The following ADAMTS14 variants were observed in gnomAD, a reference collection of about 807,000 sequenced individuals.
ADAMTS14 encodes the protein A disintegrin and metalloproteinase with thrombospondin motifs 14.
A neutral mutation model predicts 128.6 loss-of-function variants in ADAMTS14; 100 were observed. The observed-to-expected ratio is 0.78, with a 90% CI of 0.66 to 0.92. The LOEUF (loss-of-function observed/expected upper bound fraction) is 0.92. ADAMTS14 is among the 40% of genes least tolerant of loss of function. The probability of loss-of-function intolerance (pLI) is 0.00; values close to 1 mark genes in which losing one functional copy is unlikely to be tolerated. For synonymous variants in ADAMTS14, 665 were observed against 653.8 expected (o/e 1.02, Z -0.26); for missense variants, 1,562 against 1,658.6 (o/e 0.94, Z 1.01).
chr10:70,745,412 T>A, intron 15 of ADAMTS14, 106 bp downstream of exon 15: 1 of 1,190,778 alleles, frequency 8.4e-7, no homozygotes, highest in African/African-American at 1.5e-5. Context: ...AGTGGAATTG[T>A]ACTAACTGGA....
chr10:70,710,389 G>A (rs180949236), intron 4 of ADAMTS14, among the ~76,000 whole-genome samples: 161 of 152,342 alleles, frequency 1.1e-3, no homozygotes, highest in African/African-American at 3.6e-3. Context: ...GCCCCTGCAT[G>A]GGCCCTCACT....
At chr10:70,752,805 G>T (rs1489437381) in intron 18 of ADAMTS14, among the ~76,000 whole-genome samples, 1 of 152,176 alleles carries the variant, frequency 6.6e-6, no homozygotes, top group East Asian at 1.9e-4. Context: ...CCCTGGGCTG[G>T]GGGAGCCCCA....
At chr10:70,751,428 C>A in intron 16 of ADAMTS14, 50 bp from the exon 17 acceptor site, 2 of 1,566,918 alleles carry the variant, frequency 1.3e-6, no homozygotes, top group Non-Finnish European at 1.7e-6. Context: ...CAGTGCATGC[C>A]GCCCTTGCTT....
At chr10:70,713,437 T>G (rs1351672543) in intron 4 of ADAMTS14, among the ~76,000 whole-genome samples, 1 of 152,164 alleles carries the variant, frequency 6.6e-6, no homozygotes, top group Non-Finnish European at 1.5e-5. Context: ...GCTGCTGACA[T>G]GCCCACAGAG....
chr10:70,696,383 T>C (rs1342969297), intron 2 of ADAMTS14, among the ~76,000 whole-genome samples: 2 of 151,526 alleles, frequency 1.3e-5, no homozygotes, highest in African/African-American at 2.4e-5. Context: ...TCTGAGCCAT[T>C]TGGGAGAGCT....
chr10:70,740,892 A>G lies in ADAMTS14; in HGVS notation c.1749-95A>G, dbSNP rs956078396. The G allele has an allele frequency of 3.5e-5, 46 of 1,327,888 alleles. No individual in the cohort carries two copies. In the Admixed American group the frequency reaches 8.5e-4, roughly 24 times the overall value. 82.3% of individuals were successfully genotyped at this position (1,327,888 alleles called of 1,614,324 possible). On this transcript the variant is annotated intron_variant, in intron 11 of 21. Coordinates refer to ENST00000373207, the MANE Select transcript of ADAMTS14 (RefSeq NM_080722.4). ...TGGAGGCCCTTGTCATGCTATTATG[A>G]ATGGCTGAGCTGCTCCTGGTGGCTG...
chr10:70,731,064 C>CCACACACACACACACACACACA (rs56903140), intron 6 of ADAMTS14, among the ~76,000 whole-genome samples: 36 of 145,774 alleles, frequency 2.5e-4, no homozygotes, highest in African/African-American at 8.2e-4. Context: ...GTTTTACACA[C>CCACACACACACACACACACACA]CACACACACA....
intron 4 of ADAMTS14, among the ~76,000 whole-genome samples, chr10:70,714,946 C>CAAAAAAAAA (rs58012076): frequency 1.6e-5 from 1 of 63,050 alleles, no homozygotes; most frequent in Non-Finnish European, 3.0e-5. Flanking sequence ...ACTGCAGTCT[C>CAAAAAAAAA]AAAAAAAAAA....
In ADAMTS14 at chr10:70,710,325, G is replaced by T. The variant is rs548722153; in HGVS notation, c.870+1547G>T. ...CAGAGCTGAGAAAGAAGATATGTACGTGGTGGGTCCTGAAGAATTTGAGTG... is the reference window on the plus strand; with the variant it reads ...CAGAGCTGAGAAAGAAGATATGTACTTGGTGGGTCCTGAAGAATTTGAGTG... On this transcript the variant is annotated intron_variant, in intron 4 of 21. Coordinates refer to ENST00000373207, the MANE Select transcript of ADAMTS14 (RefSeq NM_080722.4). 1.6e-4 allele frequency among the ~76,000 whole-genome samples: 24 copies of T among 152,344 alleles called. No individual in the cohort carries two copies. In the East Asian group the frequency reaches 4.4e-3, roughly 28 times the overall value.
intron 15 of ADAMTS14, 28 bp from the exon 16 acceptor site, chr10:70,749,794 T>C (rs752689638): frequency 1.2e-6 from 2 of 1,608,586 alleles, no homozygotes; most frequent in East Asian, 4.5e-5. Context: ...AGCAGAAATC[T>C]GTGTGACCCT....
rs61607600 is a variant in ADAMTS14, at chr10:70,719,367, TACACACACACACACAC to T, written c.871-9896_871-9881del. 4.4e-3 allele frequency among the ~76,000 whole-genome samples: 632 copies of T among 142,118 alleles called. 2 individuals carry two copies. Among genetic ancestry groups the T allele is most frequent in the South Asian group, 7.4e-3 (31 of 4,194 alleles). 93.2% of individuals were successfully genotyped at this position (142,118 alleles called of 152,430 possible). A position where few individuals can be genotyped will look rare whatever the true frequency, so the allele number is the denominator to read the frequency against. On this transcript the variant is annotated intron_variant, in intron 4 of 21. Coordinates refer to ENST00000373207, the MANE Select transcript of ADAMTS14 (RefSeq NM_080722.4). The stretch of plus-strand genomic sequence containing the variant: ...CGTGGACAGCATCTCACTCCACAAA[TACACACACACACACAC>T]ACACACACACACACACACACACACA...
intron 4 of ADAMTS14, among the ~76,000 whole-genome samples, chr10:70,725,432 G>C (rs961634026): frequency 6.6e-6 from 1 of 152,152 alleles, no homozygotes; most frequent in African/African-American, 2.4e-5. Context: ...CCTGTGAGTA[G>C]CATAGAAACA....
intron 9 of ADAMTS14, 139 bp downstream of exon 9, chr10:70,735,440 C>A: frequency 1.6e-6 from 2 of 1,276,694 alleles, no homozygotes; most frequent in Non-Finnish European, 1.1e-6. Flanking sequence ...ACAGTGCCAG[C>A]CACCATGCAG....
At chr10:70,721,339 C>A (rs72814570) in intron 4 of ADAMTS14, among the ~76,000 whole-genome samples, 31,575 of 149,876 alleles carry the variant, frequency 0.21, 3,797 homozygotes, top group Middle Eastern at 0.31. Context: ...CAGCTTTTAA[C>A]CTCAGTTAGA....
At chr10:70,726,174 G>A (rs1467606170) in intron 4 of ADAMTS14, among the ~76,000 whole-genome samples, 1 of 152,260 alleles carries the variant, frequency 6.6e-6, no homozygotes, top group Non-Finnish European at 1.5e-5. Context: ...CAGATGAGCT[G>A]TGATTCTATC....
rs1269182457 is a variant in ADAMTS14, at chr10:70,738,862, C to T, written c.1620C>T (p.Cys540=). The change falls in exon 11 of 22, where the codon TGC becomes TGT. Residue 540 remains cysteine (C), a synonymous_variant. Coordinates refer to ENST00000373207, the MANE Select transcript of ADAMTS14 (RefSeq NM_080722.4). The stretch of plus-strand genomic sequence containing the variant: ...CCCAGTGGTGCTTCAAAGGTCACTG[C>T]ATCTGGAAGTCGCCGGAGCAGACAT... The part of the protein sequence containing the change: ...APGKWCFKGH[C]IWKSPEQTYG... 1 of 1,614,106 alleles carries T rather than the reference C, an allele frequency of 6.2e-7. No homozygotes were observed. The highest frequency in any genetic ancestry group is 8.5e-7 in the Non-Finnish European group (1 of 1,180,034).
At chr10:70,680,205 C>T (rs1459162938) in intron 2 of ADAMTS14, among the ~76,000 whole-genome samples, 1 of 152,040 alleles carries the variant, frequency 6.6e-6, no homozygotes, top group African/African-American at 2.4e-5. Flanking sequence ...AGTTTGAGAC[C>T]AGCCTGGCCA....
chr10:70,745,537 T>TGAGA, intron 15 of ADAMTS14: 1 of 561,054 alleles, frequency 1.8e-6, no homozygotes, highest in Non-Finnish European at 3.2e-6. Flanking sequence ...GAGTCCCCTT[T>TGAGA]CTACCCCTGT....
intron 4 of ADAMTS14, among the ~76,000 whole-genome samples, chr10:70,713,655 T>A (rs1186850558): frequency 6.6e-6 from 1 of 152,202 alleles, no homozygotes; most frequent in African/African-American, 2.4e-5. Context: ...GAAGACTGGC[T>A]AGGGTGGGAC....
Sources: gnomAD v4.1 joint callset for allele counts (sites outside exome capture counted in the v4.1 genomes callset) on GRCh38, gnomAD v4.1.1 for gene constraint, MANE v1.5 for transcripts, NCBI Gene and HGNC (gene_info 2026-07-23, HGNC 2026-07-21) for gene names.